Variants in SYNDIG1 observed in about 807,000 individuals in gnomAD.
SYNDIG1 encodes synapse differentiation inducing 1, also known as synapse differentiation-inducing gene protein 1.
Under a neutral mutation model 19.4 loss-of-function variants are expected in SYNDIG1, and 9 were observed. The observed-to-expected ratio is 0.46, with a 90% CI of 0.28 to 0.81. The LOEUF (loss-of-function observed/expected upper bound fraction) is 0.81. SYNDIG1 is among the 30% of genes least tolerant of loss of function. The pLI, the probability that SYNDIG1 is intolerant of heterozygous loss-of-function variation, is 0.12. For synonymous variants in SYNDIG1, 141 were observed against 145.9 expected (o/e 0.97, Z 0.24); for missense variants, 311 against 343.3 (o/e 0.91, Z 0.74).
intron 3 of SYNDIG1, among the ~76,000 whole-genome samples, chr20:24,589,251 T>G (rs2058468194): frequency 6.6e-6 from 1 of 152,202 alleles, no homozygotes; most frequent in South Asian, 2.1e-4. Context: ...GGTGGAAAAT[T>G]ATTATCTCCA....
chr20:24,625,384 ATT>A (rs35759862), intron 3 of SYNDIG1, among the ~76,000 whole-genome samples: 1,178 of 115,266 alleles, frequency 0.01, 49 homozygotes, highest in Admixed American at 0.084. Context: ...TGCCTGGGAC[ATT>A]TTTTTTTTTT....
chr20:24,543,075 C>T lies in SYNDIG1; in HGVS notation c.-23C>T, dbSNP rs202041156. On this transcript the variant is annotated 5_prime_UTR_variant, in exon 2 of 4. In the 5' UTR this introduces an upstream ATG that the reference lacks. Transcript: ENST00000376862. ...CTACATTCCCAGCCCACCAGCCTGACGCCCAGCCAGGGAGAGAGTACCATG... is the reference window on the plus strand; with the variant it reads ...CTACATTCCCAGCCCACCAGCCTGATGCCCAGCCAGGGAGAGAGTACCATG... 86 of 1,601,386 alleles carry T rather than the reference C, an allele frequency of 5.4e-5. No homozygotes were observed. In the Admixed American group the frequency reaches 7.5e-4, roughly 14 times the overall value.
chr20:24,663,451 C>G (rs1214507959), intron 3 of SYNDIG1, among the ~76,000 whole-genome samples: 1 of 152,190 alleles, frequency 6.6e-6, no homozygotes, highest in East Asian at 1.9e-4. Context: ...GGTCAAGAGT[C>G]AGCCCCGTGC....
At chr20:24,558,801 C>T (rs990523660) in intron 2 of SYNDIG1, among the ~76,000 whole-genome samples, 1 of 152,168 alleles carries the variant, frequency 6.6e-6, no homozygotes, top group Admixed American at 6.5e-5. Flanking sequence ...ATAGAAACCG[C>T]ACTCCAGTAC....
At chr20:24,508,639 A>C (rs564879750) in intron 1 of SYNDIG1, among the ~76,000 whole-genome samples, 9 of 152,348 alleles carry the variant, frequency 5.9e-5, no homozygotes, top group Non-Finnish European at 1.0e-4. Flanking sequence ...AGAGCCAAAA[A>C]ATTCAGAGGA....
At chr20:24,624,486 T>C (rs2059090750) in intron 3 of SYNDIG1, among the ~76,000 whole-genome samples, 1 of 152,160 alleles carries the variant, frequency 6.6e-6, no homozygotes, top group African/African-American at 2.4e-5. Context: ...GGTTCGATTA[T>C]CTAAGAAGAT....
At chr20:24,543,666 A>G (rs999792402) in intron 2 of SYNDIG1, 89 bp downstream of exon 2, 23 of 1,525,642 alleles carry the variant, frequency 1.5e-5, no homozygotes, top group African/African-American at 2.7e-5. Flanking sequence ...GGCAAAAGTT[A>G]GGGAATGAAA....
chr20:24,647,391 A>G (rs558040653), intron 3 of SYNDIG1, among the ~76,000 whole-genome samples: 49 of 152,274 alleles, frequency 3.2e-4, no homozygotes, highest in African/African-American at 1.2e-3. Context: ...TACATATGCC[A>G]TCAAGTCACG....
Position 24,537,721 on chromosome 20 carries a change from T to C in SYNDIG1, c.-78-5299T>C, listed in dbSNP as rs541474100. ...CACATCCCATGAGACAGAGAGGTCA[T>C]TGGCAAGATGAAAGAGGGATGCCTG... On this transcript the variant is annotated intron_variant, in intron 1 of 3. Coordinates refer to ENST00000376862, the MANE Select transcript of SYNDIG1 (RefSeq NM_024893.3). 5.3e-5 allele frequency among the ~76,000 whole-genome samples: 8 copies of C among 152,246 alleles called. No homozygotes were observed. The East Asian group carries it at 1.5e-3, about 29-fold the overall frequency.
At chr20:24,585,201 T>C (rs1407376115) in intron 3 of SYNDIG1, among the ~76,000 whole-genome samples, 1 of 152,200 alleles carries the variant, frequency 6.6e-6, no homozygotes, top group African/African-American at 2.4e-5. Context: ...TCACCCCAGA[T>C]GCAGCTGTGT....
At chr20:24,641,406 C>T (rs1306169555) in intron 3 of SYNDIG1, among the ~76,000 whole-genome samples, 1 of 152,052 alleles carries the variant, frequency 6.6e-6, no homozygotes, top group African/African-American at 2.4e-5. Context: ...TTAACTTTTC[C>T]CTATGTTAAC....
At chr20:24,489,039 G>A (rs2056057198) in intron 1 of SYNDIG1, among the ~76,000 whole-genome samples, 1 of 152,208 alleles carries the variant, frequency 6.6e-6, no homozygotes, top group Admixed American at 6.5e-5. Flanking sequence ...CTCCTGTGGA[G>A]GCTGAGATTC....
intron 3 of SYNDIG1, among the ~76,000 whole-genome samples, chr20:24,594,866 G>A (rs183555340): frequency 5.3e-4 from 81 of 152,322 alleles, no homozygotes; most frequent in African/African-American, 1.8e-3. Context: ...TGTTGATTTT[G>A]TATGTTAAAA....
intron 3 of SYNDIG1, among the ~76,000 whole-genome samples, chr20:24,602,047 A>G (rs1488590549): frequency 2.0e-5 from 3 of 151,938 alleles, no homozygotes; most frequent in Non-Finnish European, 4.4e-5. Flanking sequence ...CAGATCACCT[A>G]CAACCCTTCT....
chr20:24,576,120 G>A (rs1395444301), intron 2 of SYNDIG1, among the ~76,000 whole-genome samples: 1 of 152,212 alleles, frequency 6.6e-6, no homozygotes, highest in Non-Finnish European at 1.5e-5. Flanking sequence ...CAAATGGTTA[G>A]ACCAGGCCCA....
chr20:24,566,832 G>T (rs1224105543), intron 2 of SYNDIG1, among the ~76,000 whole-genome samples: 1 of 152,230 alleles, frequency 6.6e-6, no homozygotes, highest in African/African-American at 2.4e-5. Flanking sequence ...GCAGGTTGGG[G>T]CGGGACTGAG....
At chr20:24,514,837 G>A (rs1187940220) in intron 1 of SYNDIG1, among the ~76,000 whole-genome samples, 3 of 152,044 alleles carry the variant, frequency 2.0e-5, no homozygotes, top group Non-Finnish European at 4.4e-5. Flanking sequence ...TCTCAACACC[G>A]CACCGCACTT....
chr20:24,554,998 T>C (rs996257976), intron 2 of SYNDIG1, among the ~76,000 whole-genome samples: 13 of 152,206 alleles, frequency 8.5e-5, no homozygotes, highest in Non-Finnish European at 1.8e-4. Context: ...TATTGGTCTA[T>C]TCAGAGATTC....
Position 24,543,390 on chromosome 20 carries a change from T to A in SYNDIG1, c.293T>A (p.Val98Glu). 1 of 1,613,628 alleles carries A rather than the reference T, an allele frequency of 6.2e-7. No homozygotes were observed. Among genetic ancestry groups the A allele is most frequent in the Non-Finnish European group, 8.5e-7 (1 of 1,180,028 alleles). Residue 98 changes from valine (V) to glutamate (E), a missense_variant, in exon 2 of 4, where the codon GTG becomes GAG. By Grantham distance (121) the Val-to-Glu change is moderately radical (BLOSUM62 -2). Coordinates refer to ENST00000376862, the MANE Select transcript of SYNDIG1 (RefSeq NM_024893.3). ...RPNIILYSEG[V>E]LRSWGDGVAA... is the part of the protein sequence containing the mutation. ...AACATCATCCTCTATTCAGAGGGCG[T>A]GCTGCGCTCCTGGGGGGACGGTGTG...
Sources: allele counts gnomAD v4.1 joint callset (sites outside exome capture counted in the v4.1 genomes callset), GRCh38; gene constraint gnomAD v4.1.1; transcripts MANE v1.5; gene names NCBI Gene and HGNC (gene_info 2026-07-23, HGNC 2026-07-21).